The following ZBTB20 variants were observed in gnomAD, a reference collection of about 807,000 sequenced individuals.
ZBTB20 encodes the protein zinc finger and BTB domain containing 20.
In ZBTB20, 9 loss-of-function variants were observed where a neutral mutation model predicts 56.9. That is an observed-to-expected ratio of 0.16 (90% CI 0.10 to 0.28). ZBTB20 has a LOEUF of 0.28. ZBTB20 is among the 10% of genes least tolerant of loss of function. The pLI, the probability that ZBTB20 is intolerant of heterozygous loss-of-function variation, is 1.00. For synonymous variants in ZBTB20, 417 were observed against 420.7 expected, an observed-to-expected ratio of 0.99 and a Z score of 0.11; for missense variants, 655 against 1,003.0, an observed-to-expected ratio of 0.65 and a Z score of 4.69.
intron 1 of ZBTB20, among the ~76,000 whole-genome samples, chr3:115,122,797 TTCA>T (rs752581907): frequency 7.2e-5 from 11 of 152,238 alleles, no homozygotes; most frequent in Non-Finnish European, 1.5e-4. Context: ...TCCACCAATC[TTCA>T]TCACCTACTG....
chr3:114,483,738 G>C (rs1395198500), intron 7 of ZBTB20, among the ~76,000 whole-genome samples: 1 of 152,188 alleles, frequency 6.6e-6, no homozygotes, highest in Non-Finnish European at 1.5e-5. Flanking sequence ...TACTTTCGAA[G>C]AGTGAAATGC....
At position 114,999,439 on chromosome 3, in the gene ZBTB20, T is replaced by G. The variant is rs890528472; in HGVS notation, c.-506-25023A>C. Among the ~76,000 whole-genome samples the G allele has an allele frequency of 2.6e-5, 4 of 151,880 alleles. No homozygotes were observed. The East Asian group carries it at 7.8e-4, about 30-fold the overall frequency. The stretch of plus-strand genomic sequence containing the variant: ...ATATCATGTACTCATTACATATAAT[T>G]TGTGCTATATAAAACTTAATGCAAA... On this transcript the variant is annotated intron_variant, in intron 2 of 11. Coordinates refer to ENST00000675478, the MANE Select transcript of ZBTB20 (RefSeq NM_001348800.3).
At chr3:115,039,562 A>G (rs146736836) in intron 2 of ZBTB20, among the ~76,000 whole-genome samples, 2 of 152,202 alleles carry the variant, frequency 1.3e-5, no homozygotes, top group East Asian at 3.9e-4. Context: ...GTTTTACAAT[A>G]TGATTCTATT....
In ZBTB20 at chr3:115,071,339, ATGT is replaced by A. The variant is rs2082402077; in HGVS notation, c.-630_-628del. On this transcript the variant is annotated 5_prime_UTR_variant, in exon 2 of 12. Coordinates refer to ENST00000675478, the MANE Select transcript of ZBTB20 (RefSeq NM_001348800.3). ...AAGCTAAAGTGCCCAGAATGAACTA[ATGT>A]TGTAATGTAGACTGTGAGCAGAGAT... is the stretch of plus-strand genomic sequence containing the variant. 3.3e-5 allele frequency: 5 copies of A among 152,204 alleles called. No individual in the cohort carries two copies. Among genetic ancestry groups the A allele is most frequent in the Admixed American group, 3.3e-4 (5 of 15,274 alleles). The allele number at this position is 152,204 out of a possible 1,614,324, so 9.4% of individuals were successfully genotyped here. A position where few individuals can be genotyped will look rare whatever the true frequency, so the allele number is the denominator to read the frequency against.
intron 7 of ZBTB20, among the ~76,000 whole-genome samples, chr3:114,477,113 G>C (rs1170028300): frequency 6.6e-6 from 1 of 152,158 alleles, no homozygotes; most frequent in Non-Finnish European, 1.5e-5. Flanking sequence ...GCATAATTAT[G>C]CGTTGTGCTT....
chr3:115,016,868 T>A (rs1390722835), intron 2 of ZBTB20, among the ~76,000 whole-genome samples: 1 of 151,502 alleles, frequency 6.6e-6, no homozygotes, highest in East Asian at 2.0e-4. Flanking sequence ...AACTAGGTAT[T>A]GAAAGAACAT....
At chr3:115,115,448 A>G (rs2083991673) in intron 1 of ZBTB20, among the ~76,000 whole-genome samples, 1 of 152,116 alleles carries the variant, frequency 6.6e-6, no homozygotes, top group Admixed American at 6.5e-5. Context: ...AATTATTTCA[A>G]TTGAGCCTAG....
At chr3:114,626,981 T>C (rs1257291085) in intron 6 of ZBTB20, among the ~76,000 whole-genome samples, 2 of 152,190 alleles carry the variant, frequency 1.3e-5, no homozygotes, top group Admixed American at 1.3e-4. Flanking sequence ...AACTCTGAAC[T>C]TAAGGTTAGT....
intron 7 of ZBTB20, among the ~76,000 whole-genome samples, chr3:114,426,337 C>CAAAAAAAA (rs60778829): frequency 5.5e-5 from 6 of 109,514 alleles, no homozygotes; most frequent in East Asian, 2.5e-4. Context: ...GACTCCATCT[C>CAAAAAAAA]AAAAAAAAAA....
At chr3:114,958,581 CTGA>C (rs1429100647) in intron 3 of ZBTB20, among the ~76,000 whole-genome samples, 2 of 152,080 alleles carry the variant, frequency 1.3e-5, no homozygotes, top group African/African-American at 4.8e-5. Context: ...GGCGCAGTGG[CTGA>C]TGTCTGTAAT....
chr3:115,139,617 G>A (rs2084754120), intron 1 of ZBTB20, among the ~76,000 whole-genome samples: 1 of 151,980 alleles, frequency 6.6e-6, no homozygotes, highest in Admixed American at 6.6e-5. Context: ...ATTACTCAAT[G>A]TATACCTATG....
intron 5 of ZBTB20, among the ~76,000 whole-genome samples, chr3:114,739,238 G>A (rs1331051956): frequency 2.2e-4 from 34 of 152,186 alleles, no homozygotes; most frequent in Admixed American, 2.2e-3. Flanking sequence ...TTTTAAGCCA[G>A]TTCCTGAGGT....
intron 2 of ZBTB20, among the ~76,000 whole-genome samples, chr3:115,009,491 A>G (rs895869281): frequency 3.9e-5 from 6 of 151,946 alleles, no homozygotes; most frequent in African/African-American, 1.4e-4. Context: ...TCACATTATT[A>G]GTCCAGAGCT....
intron 4 of ZBTB20, among the ~76,000 whole-genome samples, chr3:114,852,448 G>A (rs1021720028): frequency 3.3e-5 from 5 of 151,722 alleles, no homozygotes; most frequent in East Asian, 1.9e-4. Context: ...ATTTTTAGTA[G>A]AGAGGGGGTT....
At chr3:114,800,248 A>T (rs986929888) in intron 5 of ZBTB20, among the ~76,000 whole-genome samples, 1 of 151,964 alleles carries the variant, frequency 6.6e-6, no homozygotes, top group Non-Finnish European at 1.5e-5. Flanking sequence ...CTTTGAGTGC[A>T]GCATTAAAAA....
intron 6 of ZBTB20, among the ~76,000 whole-genome samples, chr3:114,516,869 A>T (rs2046056821): frequency 6.6e-6 from 1 of 152,172 alleles, no homozygotes; most frequent in African/African-American, 2.4e-5. Flanking sequence ...GACCCTGTTG[A>T]TACTTTAATC....
chr3:114,716,114 A>G (rs1023097444), intron 5 of ZBTB20, among the ~76,000 whole-genome samples: 3 of 152,138 alleles, frequency 2.0e-5, no homozygotes, highest in African/African-American at 7.2e-5. Flanking sequence ...TCCACAATCC[A>G]TTCCCCCCTT....
At chr3:114,431,975 AC>A (rs1480238018) in intron 7 of ZBTB20, among the ~76,000 whole-genome samples, 1 of 152,268 alleles carries the variant, frequency 6.6e-6, no homozygotes, top group Admixed American at 6.5e-5. Flanking sequence ...ATCTTTTACC[AC>A]CTTAACATGG....
chr3:114,871,022 A>C (rs1221203299), intron 4 of ZBTB20, among the ~76,000 whole-genome samples: 1 of 149,948 alleles, frequency 6.7e-6, no homozygotes, highest in East Asian at 2.0e-4. Context: ...CCTAGCTGGC[A>C]TGAAGAGAGT....
Sources: allele counts gnomAD v4.1 joint callset (sites outside exome capture counted in the v4.1 genomes callset), GRCh38; gene constraint gnomAD v4.1.1; transcripts MANE v1.5; gene names NCBI Gene and HGNC (gene_info 2026-07-23, HGNC 2026-07-21).